PTPRD: variants seen among roughly 807,000 people sequenced by gnomAD.
PTPRD encodes the protein protein tyrosine phosphatase receptor type D.
Under a neutral mutation model 214.5 loss-of-function variants are expected in PTPRD, and 34 were observed. The observed-to-expected ratio is 0.16, with a 90% CI of 0.12 to 0.21. The LOEUF (loss-of-function observed/expected upper bound fraction) is 0.21, where lower values mean the gene tolerates loss of function less well. PTPRD is among the 10% of genes least tolerant of loss of function. PTPRD has a pLI of 1.00. For synonymous variants in PTPRD, 1,128 were observed against 845.7 expected (o/e 1.33, Z -5.79); for missense variants, 2,545 against 2,398.7 (o/e 1.06, Z -1.27).
chr9:9,186,327 G>A (rs1387023942), intron 9 of PTPRD, among the ~76,000 whole-genome samples: 2 of 152,192 alleles, frequency 1.3e-5, no homozygotes, highest in African/African-American at 2.4e-5. Context: ...TGTAAGAGCT[G>A]AAGTTCATAA....
At chr9:8,706,444 C>G (rs2098211539) in intron 12 of PTPRD, among the ~76,000 whole-genome samples, 1 of 152,142 alleles carries the variant, frequency 6.6e-6, no homozygotes, top group Non-Finnish European at 1.5e-5. Flanking sequence ...CAGCTAAAGA[C>G]AAGTGTTCAT....
At chr9:9,222,131 T>G (rs1245536747) in intron 9 of PTPRD, among the ~76,000 whole-genome samples, 1 of 152,098 alleles carries the variant, frequency 6.6e-6, no homozygotes, top group Admixed American at 6.6e-5. Flanking sequence ...TTACAAAGTT[T>G]ATTAGTATTA....
At chr9:9,948,092 G>C (rs1223122390) in intron 4 of PTPRD, among the ~76,000 whole-genome samples, 1 of 151,960 alleles carries the variant, frequency 6.6e-6, no homozygotes, top group African/African-American at 2.4e-5. Flanking sequence ...ATGAAGAGTA[G>C]TCAAGATTTT....
intron 2 of PTPRD, among the ~76,000 whole-genome samples, chr9:10,608,590 A>T (rs763555632): frequency 1.3e-5 from 2 of 152,140 alleles, no homozygotes; most frequent in Non-Finnish European, 2.9e-5. Flanking sequence ...TATATTCAGT[A>T]TATTAGTCAC....
intron 2 of PTPRD, among the ~76,000 whole-genome samples, chr9:10,559,113 T>C (rs1590892104): frequency 6.6e-6 from 1 of 151,974 alleles, no homozygotes; most frequent in Non-Finnish European, 1.5e-5. Flanking sequence ...ACTTAGAAAA[T>C]AGAAAAACAT....
chr9:9,454,174 T>C, intron 8 of PTPRD, among the ~76,000 whole-genome samples: 1 of 151,820 alleles, frequency 6.6e-6, no homozygotes, highest in East Asian at 1.9e-4. Flanking sequence ...ATCTTTGAGT[T>C]GTTAGATATT....
At chr9:8,830,856 C>T (rs185207987) in intron 11 of PTPRD, among the ~76,000 whole-genome samples, 65 of 152,072 alleles carry the variant, frequency 4.3e-4, no homozygotes, top group Non-Finnish European at 7.4e-4. Flanking sequence ...TAAACTGTTG[C>T]CTCATTTTTC....
At chr9:10,561,607 C>T (rs1034739386) in intron 2 of PTPRD, among the ~76,000 whole-genome samples, 13 of 152,090 alleles carry the variant, frequency 8.5e-5, no homozygotes, top group African/African-American at 3.1e-4. Context: ...AAACCCAGGA[C>T]TCCCAAATCT....
intron 12 of PTPRD, among the ~76,000 whole-genome samples, chr9:8,657,327 C>T (rs1278923330): frequency 6.6e-6 from 1 of 152,038 alleles, no homozygotes; most frequent in Non-Finnish European, 1.5e-5. Flanking sequence ...ACCACCATAC[C>T]CACCTAATTT....
chr9:8,557,916 CTACT>C lies in PTPRD; in HGVS notation c.353-29141_353-29138del, dbSNP rs377467035. Among the ~76,000 whole-genome samples the C allele has an allele frequency of 2.4e-3, 366 of 151,644 alleles. 3 individuals are homozygous for C. The highest frequency in any genetic ancestry group is 8.1e-3 in the African/African-American group (334 of 41,344). ...TAAACATAGAAGTAAAGATCATTTT[CTACT>C]TACTTAAGTTTACTCTAATTTTTTT... On this transcript the variant is annotated intron_variant, in intron 14 of 45. Coordinates refer to ENST00000381196, the MANE Select transcript of PTPRD (RefSeq NM_002839.4).
At chr9:8,331,480 A>T (rs1376516679) in intron 44 of PTPRD, 102 bp downstream of exon 44, 2 of 1,357,880 alleles carry the variant, frequency 1.5e-6, no homozygotes, top group East Asian at 4.8e-5. Flanking sequence ...ATACATTGCC[A>T]AGAATAAAAT....
intron 9 of PTPRD, among the ~76,000 whole-genome samples, chr9:9,360,629 A>T (rs1422589246): frequency 6.6e-6 from 1 of 151,190 alleles, no homozygotes; most frequent in East Asian, 1.9e-4. Context: ...GTTATTTAGT[A>T]GCAAAAATAA....
In PTPRD at chr9:8,334,256, T is replaced by C. The variant is rs150022441; in HGVS notation, c.5380-2520A>G. Among the ~76,000 whole-genome samples the C allele has an allele frequency of 3.5e-3, 532 of 152,210 alleles. 4 individuals carry two copies. The highest frequency in any genetic ancestry group is 0.012 in the African/African-American group (496 of 41,542). ...TATTCTCAACACCACATTGCACTTA[T>C]TCTAACATTGACCACATAATTGGAA... is the stretch of plus-strand genomic sequence containing the variant. On this transcript the variant is annotated intron_variant, in intron 43 of 45. Coordinates refer to ENST00000381196, the MANE Select transcript of PTPRD (RefSeq NM_002839.4).
intron 9 of PTPRD, among the ~76,000 whole-genome samples, chr9:9,233,125 TG>T (rs1222803313): frequency 1.3e-5 from 2 of 152,074 alleles, no homozygotes; most frequent in Non-Finnish European, 1.5e-5. Context: ...TACCAGAGAC[TG>T]GGTAATTTAT....
chr9:8,913,144 A>T (rs1317854756), intron 11 of PTPRD, among the ~76,000 whole-genome samples: 1 of 152,060 alleles, frequency 6.6e-6, no homozygotes. Flanking sequence ...AAAAAACTTT[A>T]TGAACATGAC....
chr9:9,616,858 T>G (rs1482027522), intron 7 of PTPRD, among the ~76,000 whole-genome samples: 1 of 152,198 alleles, frequency 6.6e-6, no homozygotes, highest in Non-Finnish European at 1.5e-5. Flanking sequence ...CTAATTTGAT[T>G]GCACTATGGT....
intron 5 of PTPRD, among the ~76,000 whole-genome samples, chr9:9,934,228 C>G (rs1363018053): frequency 6.7e-6 from 1 of 148,470 alleles, no homozygotes; most frequent in Non-Finnish European, 1.5e-5. Flanking sequence ...TAAGTAAGAT[C>G]AGAGCAGAAC....
intron 6 of PTPRD, among the ~76,000 whole-genome samples, chr9:9,757,303 A>G (rs1293646051): frequency 6.6e-6 from 1 of 152,194 alleles, no homozygotes; most frequent in Non-Finnish European, 1.5e-5. Flanking sequence ...ACATAAATCT[A>G]TTTAAATATC....
At chr9:8,807,824 G>T (rs1346904693) in intron 11 of PTPRD, among the ~76,000 whole-genome samples, 1 of 152,030 alleles carries the variant, frequency 6.6e-6, no homozygotes, top group Non-Finnish European at 1.5e-5. Flanking sequence ...ACTTAGAGAT[G>T]AACCTTTAAT....
Sources: allele counts gnomAD v4.1 joint callset (sites outside exome capture counted in the v4.1 genomes callset), GRCh38; gene constraint gnomAD v4.1.1; transcripts MANE v1.5; gene names NCBI Gene and HGNC (gene_info 2026-07-23, HGNC 2026-07-21).